Variants in PLAC1 observed in about 807,000 individuals in gnomAD.
PLAC1 encodes the protein placenta associated 1, also known as placenta-specific protein 1.
For missense variants in PLAC1, 136 were observed against 163.2 expected (o/e 0.83, Z 0.91); for synonymous variants, 68 against 62.1 (o/e 1.09, Z -0.44).
Position 134,675,061 on chromosome X carries a change from T to C in PLAC1, n.174+58374A>G, listed in dbSNP as rs1488618886. ...TGTGGTGAACAAGAACAGTGATCCA[T>C]GTGAGGCAGGGGAGCTCAATCAGTC... is the stretch of plus-strand genomic sequence containing the variant. On this transcript the variant is annotated intron_variant and non_coding_transcript_variant, in intron 2 of 2. Coordinates refer to the PLAC1 transcript ENST00000466797. Among the ~76,000 whole-genome samples, 6 of 112,310 alleles carry C rather than the reference T, an allele frequency of 5.3e-5. No individual in the cohort carries two copies. In the East Asian group the frequency reaches 1.4e-3, roughly 26 times the overall value.
chrX:134,598,809 G>C (rs772476142), intron 2 of PLAC1, among the ~76,000 whole-genome samples: 39 of 111,582 alleles, frequency 3.5e-4, no homozygotes, highest in Non-Finnish European at 6.4e-4. Flanking sequence ...TCAGATCCTG[G>C]GTGACAGGGA....
At chrX:134,567,325 T>C (rs1047105201) in intron 2 of PLAC1, among the ~76,000 whole-genome samples, 2 of 112,600 alleles carry the variant, frequency 1.8e-5, no homozygotes, top group Non-Finnish European at 3.7e-5. Context: ...AGCAGCATCA[T>C]AAGTCATTAT....
Position 134,631,735 on chromosome X carries a change from A to G in PLAC1, c.-131+26593T>C, listed in dbSNP as rs2078263349. ...AACTCAGCTGGGCTCTGGACTCAGC[A>G]GGGACCATTCATTAACTAACACTTC... is the stretch of plus-strand genomic sequence containing the variant. On this transcript the variant is annotated intron_variant, in intron 1 of 2. Coordinates refer to ENST00000359237, the MANE Select transcript of PLAC1 (RefSeq NM_021796.4). Among the ~76,000 whole-genome samples the G allele has an allele frequency of 2.7e-5, 3 of 111,940 alleles. No individual in the cohort carries two copies. In the South Asian group the frequency reaches 1.1e-3, roughly 42 times the overall value.
At chrX:134,671,161 GTCC>G (rs553872925) in intron 2 of PLAC1, among the ~76,000 whole-genome samples, 3 of 111,596 alleles carry the variant, frequency 2.7e-5, no homozygotes, top group South Asian at 3.8e-4. Context: ...AGGACTTTCT[GTCC>G]TCCTAAATCA....
At chrX:134,635,740 A>G (rs2078280415) in intron 1 of PLAC1, among the ~76,000 whole-genome samples, 1 of 111,694 alleles carries the variant, frequency 9.0e-6, no homozygotes, top group South Asian at 3.7e-4. Flanking sequence ...ACTTCCCTGC[A>G]CTTTGAATCT....
At chrX:134,708,375 C>T (rs750171295) in intron 2 of PLAC1, among the ~76,000 whole-genome samples, 2 of 110,868 alleles carry the variant, frequency 1.8e-5, no homozygotes, top group Non-Finnish European at 3.8e-5. Context: ...CAAAAAGTCA[C>T]ATACTGTATT....
intron 2 of PLAC1, among the ~76,000 whole-genome samples, chrX:134,675,900 C>T (rs1421610768): frequency 5.4e-5 from 6 of 111,332 alleles, no homozygotes; most frequent in African/African-American, 1.6e-4. Context: ...TTCCGTCTCC[C>T]CAAAAGGTAG....
At chrX:134,601,381 G>A (rs2078088335) in intron 2 of PLAC1, among the ~76,000 whole-genome samples, 1 of 111,894 alleles carries the variant, frequency 8.9e-6, no homozygotes, top group Non-Finnish European at 1.9e-5. Context: ...GAGAATTACT[G>A]GGTGAAAGGA....
At chrX:134,683,911 A>G (rs1447256889) in intron 2 of PLAC1, among the ~76,000 whole-genome samples, 2 of 112,176 alleles carry the variant, frequency 1.8e-5, no homozygotes, top group Admixed American at 9.4e-5. Context: ...GTCTGAAAGA[A>G]AAAGTTAAAT....
At chrX:134,756,871 T>C (rs1273326129) in intron 1 of PLAC1, among the ~76,000 whole-genome samples, 3 of 111,196 alleles carry the variant, frequency 2.7e-5, no homozygotes, top group African/African-American at 9.8e-5. Flanking sequence ...AAGATTACAT[T>C]TTCATATATA....
At chrX:134,569,758 G>GTT (rs1490254592) in intron 2 of PLAC1, among the ~76,000 whole-genome samples, 4 of 102,746 alleles carry the variant, frequency 3.9e-5, no homozygotes, top group Non-Finnish European at 7.9e-5. Context: ...GTGTGTGTGT[G>GTT]TGTGTGTGTG....
intron 2 of PLAC1, among the ~76,000 whole-genome samples, chrX:134,680,856 C>A (rs1479318479): frequency 8.9e-6 from 1 of 111,779 alleles, no homozygotes; most frequent in Admixed American, 9.5e-5. Flanking sequence ...CTGGCCATAT[C>A]CTCTCTTCCT....
intron 2 of PLAC1, among the ~76,000 whole-genome samples, chrX:134,674,770 G>A (rs964982439): frequency 3.0e-4 from 34 of 112,175 alleles, no homozygotes; most frequent in African/African-American, 1.0e-3. Flanking sequence ...AGTATTCAAG[G>A]AAAACTTGAA....
At chrX:134,621,120 A>C (rs1003444870) in intron 1 of PLAC1, among the ~76,000 whole-genome samples, 5 of 110,772 alleles carry the variant, frequency 4.5e-5, no homozygotes, top group Non-Finnish European at 7.5e-5. Flanking sequence ...CATTTCCCCC[A>C]TTAGATGAAG....
chrX:134,637,809 C>T (rs780608295), intron 1 of PLAC1, among the ~76,000 whole-genome samples: 1 of 111,712 alleles, frequency 9.0e-6, no homozygotes, highest in South Asian at 3.8e-4. Flanking sequence ...GATCATACCA[C>T]CGCACTCCAG....
chrX:134,755,675 A>G (rs1322837327), intron 1 of PLAC1, among the ~76,000 whole-genome samples: 1 of 110,670 alleles, frequency 9.0e-6, no homozygotes, highest in Non-Finnish European at 1.9e-5. Flanking sequence ...GATCATTTGT[A>G]TACTTTCTTC....
intron 1 of PLAC1, among the ~76,000 whole-genome samples, chrX:134,621,498 T>G (rs959558021): frequency 2.8e-5 from 3 of 107,401 alleles, no homozygotes; most frequent in Non-Finnish European, 5.8e-5. Flanking sequence ...CGGTCTTGTT[T>G]GAGACCTCGG....
chrX:134,618,560 C>G (rs992795609), intron 1 of PLAC1, among the ~76,000 whole-genome samples: 8 of 111,642 alleles, frequency 7.2e-5, no homozygotes, highest in Non-Finnish European at 1.3e-4. Flanking sequence ...TGTGCACCAC[C>G]ATGCCTGGCT....
Position 134,568,197 on chromosome X carries a change from T to C in PLAC1, c.-58-1457A>G, listed in dbSNP as rs149115000. Among the ~76,000 whole-genome samples, 917 of 112,814 alleles carry C rather than the reference T, an allele frequency of 8.1e-3. 2 individuals are homozygous for C. The highest frequency in any genetic ancestry group is 0.013 in the Admixed American group (134 of 10,712). ...CCTAAAGTTTGGAAGGAAATGTACA[T>C]GCATATAGGGATTCACTTTTGTTCC... is the stretch of plus-strand genomic sequence containing the variant. On this transcript the variant is annotated intron_variant, in intron 2 of 2. Coordinates refer to ENST00000359237, the MANE Select transcript of PLAC1 (RefSeq NM_021796.4).
Sources: gnomAD v4.1 joint callset for allele counts (sites outside exome capture counted in the v4.1 genomes callset) on GRCh38, gnomAD v4.1.1 for gene constraint, MANE v1.5 for transcripts, NCBI Gene and HGNC (gene_info 2026-07-23, HGNC 2026-07-21) for gene names.